SCYL1: variants seen among roughly 807,000 people sequenced by gnomAD.
SCYL1 encodes the protein N-terminal kinase-like protein.
Under a neutral mutation model 94.8 loss-of-function variants are expected in SCYL1, and 85 were observed. That is an observed-to-expected ratio of 0.90 (90% confidence interval 0.75 to 1.07). The LOEUF (loss-of-function observed/expected upper bound fraction) is 1.07, where lower values mean the gene tolerates loss of function less well. Among genes scored for constraint, SCYL1 ranks in the 50% least tolerant of loss-of-function variants. The pLI is 0.00. For synonymous variants in SCYL1, 459 were observed against 435.5 expected (o/e 1.05, Z -0.67); for missense variants, 968 against 1,083.3 (o/e 0.89, Z 1.49).
chr11:65,538,599 G>A lies in SCYL1; in HGVS notation c.*33G>A, dbSNP rs767834389. ...CGGTGGCCCTTCCCGGCTGCGGAGA[G>A]CCCGCCCCACAGATGTATTTATTGT... is the stretch of plus-strand genomic sequence containing the variant. On this transcript the variant is annotated 3_prime_UTR_variant, in exon 18 of 18. Transcript: ENST00000270176. 3 of 1,599,288 alleles carry A rather than the reference G, an allele frequency of 1.9e-6. No homozygotes were observed. In the South Asian group the frequency reaches 3.3e-5, roughly 18 times the overall value.
chr11:65,535,074 T>C (rs1855568193), intron 9 of SCYL1, 153 bp from the exon 10 acceptor site: 1 of 917,816 alleles, frequency 1.1e-6, no homozygotes, highest in Non-Finnish European at 1.6e-6. Context: ...GGTCCCTTTC[T>C]TCAACATGCT....
chr11:65,536,956 C>T, intron 13 of SCYL1, 30 bp from the exon 14 acceptor site: 1 of 1,594,486 alleles, frequency 6.3e-7, no homozygotes, highest in Non-Finnish European at 8.6e-7. Context: ...CAAGACCCCC[C>T]TGAAAGCTCA....
Position 65,525,236 on chromosome 11 carries a change from C to T in SCYL1, c.83C>T (p.Pro28Leu), listed in dbSNP as rs747601793. ...CCCCCAGAGGGCGGCCTGCCCGGGC[C>T]CTGGGCCCTGCACCGCGGCCGCAAG... ...PEPPEGGLPG[P>L]WALHRGRKKA... Residue 28 changes from proline (P) to leucine (L), a missense_variant, in exon 1 of 18, where the codon CCC (proline) becomes CTC (leucine). Physicochemically the swap from Pro to Leu is moderately conservative, Grantham distance 98. Around this residue, in one of 2 missense-constraint regions of SCYL1, gnomAD observed 494 missense variants for 619.7 expected, o/e 0.80. Transcript: ENST00000270176. 16 of 1,458,554 alleles carry T rather than the reference C, an allele frequency of 1.1e-5. No individual in the cohort carries two copies. The African/African-American group carries it at 1.9e-4, about 18-fold the overall frequency. 90.4% of individuals were successfully genotyped at this position (1,458,554 alleles called of 1,614,324 possible).
chr11:65,528,213 C>T (rs889445248), intron 6 of SCYL1, among the ~76,000 whole-genome samples: 14 of 152,034 alleles, frequency 9.2e-5, no homozygotes, highest in Non-Finnish European at 1.8e-4. Context: ...GAGGCTGAGG[C>T]GGGTGGATCA....
Position 65,526,442 on chromosome 11 carries a change from C to T in SCYL1, c.602+92C>T. ...CTAGACTAGTTGGCACTCCCCTGTT[C>T]CCTGCTGCCTGGCTGGGGAGGGAAT... On this transcript the variant is annotated intron_variant, in intron 4 of 17. Transcript: ENST00000270176. This position sits in a 1 kb window ranked among gnomAD's most constrained non-coding sequence, Gnocchi z 4.1. 5 of 1,029,046 alleles carry T rather than the reference C, an allele frequency of 4.9e-6. No individual in the cohort carries two copies. The South Asian group carries it at 8.1e-5, about 17-fold the overall frequency. 63.7% of individuals were successfully genotyped at this position (1,029,046 alleles called of 1,614,324 possible).
In SCYL1 at chr11:65,530,764, G is replaced by A. The variant is rs201604417; in HGVS notation, c.985G>A (p.Val329Ile). The A allele has an allele frequency of 9.4e-5, 152 of 1,612,902 alleles. No homozygotes were observed. Among genetic ancestry groups the A allele is most frequent in the Non-Finnish European group, 1.1e-4 (124 of 1,179,646 alleles). ...CTTCGAGTTCGGCAATGCTGGGGCCGTTGTCCTCACGCCCCTCTTCAAGGT... is the reference window on the plus strand; with the variant it reads ...CTTCGAGTTCGGCAATGCTGGGGCCATTGTCCTCACGCCCCTCTTCAAGGT... ...TAFEFGNAGAVVLTPLFKVGK... is the reference protein window; with the variant it reads ...TAFEFGNAGAIVLTPLFKVGK... Residue 329 changes from valine to isoleucine, a missense_variant, in exon 7 of 18, where the codon GTT (valine) becomes ATT (isoleucine). This residue lies in a region of SCYL1 where 494 missense variants were observed against 619.7 expected (regional missense o/e 0.80). Coordinates refer to ENST00000270176, the MANE Select transcript of SCYL1 (RefSeq NM_020680.4).
intron 12 of SCYL1, 83 bp from the exon 13 acceptor site, chr11:65,536,503 A>G: frequency 6.6e-7 from 1 of 1,511,644 alleles, no homozygotes; most frequent in Non-Finnish European, 9.1e-7. Context: ...GGGTGGCTGC[A>G]GGGCACTGTC....
intron 7 of SCYL1, 118 bp from the exon 8 acceptor site, chr11:65,531,458 C>G (rs1023683320): frequency 2.7e-6 from 2 of 729,756 alleles, no homozygotes; most frequent in South Asian, 1.6e-5. Flanking sequence ...AAATGCCTGC[C>G]CCCCCCTCCG....
Position 65,526,510 on chromosome 11 carries a change from C to G in SCYL1, c.602+160C>G, listed in dbSNP as rs963952535. Among the ~76,000 whole-genome samples, 3 of 152,192 alleles carry G rather than the reference C, an allele frequency of 2.0e-5. No individual in the cohort carries two copies. Among genetic ancestry groups the G allele is most frequent in the Non-Finnish European group, 4.4e-5 (3 of 68,026 alleles). On this transcript the variant is annotated intron_variant, in intron 4 of 17. Transcript: ENST00000270176. The surrounding 1 kb of genome is among the most constrained non-coding windows in gnomAD (Gnocchi z 4.1). ...GGGACACTCCTCTGCCCCCAGGGTC[C>G]TCAGGGCGGTAGGGCGGGATGGACA...
At position 65,532,381 on chromosome 11, in the gene SCYL1, C is replaced by T. The variant is rs111890867; in HGVS notation, c.1117-311C>T. ...CAGAGGTTTCAGTGAGCTGAGATTG[C>T]GCCACTGCACTCCAGCCTCGGTGAC... On this transcript the variant is annotated intron_variant, in intron 8 of 17. Coordinates refer to ENST00000270176, the MANE Select transcript of SCYL1 (RefSeq NM_020680.4). Among the ~76,000 whole-genome samples the T allele has an allele frequency of 3.0e-4, 44 of 148,016 alleles. 2 individuals carry two copies. Among genetic ancestry groups the T allele is most frequent in the African/African-American group, 1.0e-3 (41 of 39,878 alleles).
At position 65,536,630 on chromosome 11, in the gene SCYL1, G is replaced by A. The variant is rs752438867; in HGVS notation, c.1696G>A (p.Ala566Thr). 12 of 1,613,960 alleles carry A rather than the reference G, an allele frequency of 7.4e-6. No homozygotes were observed. Among genetic ancestry groups the A allele is most frequent in the Middle Eastern group, 1.6e-4 (1 of 6,080 alleles). Residue 566 changes from alanine (A) to threonine (T), a missense_variant, in exon 13 of 18, where the codon GCA becomes ACA. By Grantham distance (58) the Ala-to-Thr change is moderately conservative. Around this residue, in one of 2 missense-constraint regions of SCYL1, gnomAD observed 474 missense variants for 463.6 expected, o/e 1.02. Coordinates refer to ENST00000270176, the MANE Select transcript of SCYL1 (RefSeq NM_020680.4). Reference protein sequence around the residue: ...AASSPGMGGAAASWAGWAVTG... With the variant: ...AASSPGMGGATASWAGWAVTG... ...CTCCAGCCCTGGCATGGGAGGAGCC[G>A]CAGCTAGCTGGGCAGGCTGGGCCGT... is the stretch of plus-strand genomic sequence containing the variant.
intron 14 of SCYL1, 112 bp from the exon 15 acceptor site, chr11:65,537,697 T>C: frequency 1.1e-6 from 1 of 894,976 alleles, no homozygotes; most frequent in South Asian, 1.7e-5. Flanking sequence ...GAGGAGCAAA[T>C]GAGGAGGAAG....
In SCYL1 at chr11:65,526,767, T is replaced by G; in HGVS notation, c.603-16T>G. ...GTGGTTGGTGGGGCCCTAAGAGCTC[T>G]GGGTCACTGCCACAGGTCAGCAGAC... On this transcript the variant is annotated splice_polypyrimidine_tract_variant and intron_variant, in intron 4 of 17. Coordinates refer to ENST00000270176, the MANE Select transcript of SCYL1 (RefSeq NM_020680.4). The surrounding 1 kb of genome is among the most constrained non-coding windows in gnomAD (Gnocchi z 4.1). The G allele has an allele frequency of 6.2e-7, 1 of 1,609,068 alleles. No homozygotes were observed. Among genetic ancestry groups the G allele is most frequent in the South Asian group, 1.1e-5 (1 of 90,880 alleles).
Position 65,526,757 on chromosome 11 carries a change from C to T in SCYL1, c.603-26C>T, listed in dbSNP as rs1270671130. 1 of 1,603,460 alleles carries T rather than the reference C, an allele frequency of 6.2e-7. No homozygotes were observed. The highest frequency in any genetic ancestry group is 8.5e-7 in the Non-Finnish European group (1 of 1,174,344). On this transcript the variant is annotated intron_variant, in intron 4 of 17. Transcript: ENST00000270176. This position sits in a 1 kb window ranked among gnomAD's most constrained non-coding sequence, Gnocchi z 4.1. Reference sequence around the variant, plus strand: ...GCCTGTGCAGGTGGTTGGTGGGGCCCTAAGAGCTCTGGGTCACTGCCACAG... The same window carrying T: ...GCCTGTGCAGGTGGTTGGTGGGGCCTTAAGAGCTCTGGGTCACTGCCACAG...
intron 7 of SCYL1, 64 bp from the exon 8 acceptor site, chr11:65,531,512 A>C: frequency 8.0e-7 from 1 of 1,255,668 alleles, no homozygotes; most frequent in Admixed American, 1.7e-5. Context: ...CCAGGAATTT[A>C]GATAAGCCCA....
At position 65,526,734 on chromosome 11, in the gene SCYL1, C is replaced by G; in HGVS notation, c.603-49C>G. 1 of 1,569,302 alleles carries G rather than the reference C, an allele frequency of 6.4e-7. No individual in the cohort carries two copies. Among genetic ancestry groups the G allele is most frequent in the South Asian group, 1.1e-5 (1 of 89,014 alleles). On this transcript the variant is annotated intron_variant, in intron 4 of 17. Coordinates refer to ENST00000270176, the MANE Select transcript of SCYL1 (RefSeq NM_020680.4). The surrounding 1 kb of genome is among the most constrained non-coding windows in gnomAD (Gnocchi z 4.1). ...CTGGTGCCCAAGGCAGGCTGGAGGC[C>G]TGTGCAGGTGGTTGGTGGGGCCCTA...
At position 65,538,674 on chromosome 11, in the gene SCYL1, T is replaced by C. The variant is rs529032105; in HGVS notation, c.*108T>C. On this transcript the variant is annotated 3_prime_UTR_variant, in exon 18 of 18. Coordinates refer to ENST00000270176, the MANE Select transcript of SCYL1 (RefSeq NM_020680.4). ...CCAGCCAGGCCATCTCACGTGTACA[T>C]AATCAGAGCCACAATAAATTCTATT... The C allele has an allele frequency of 1.7e-5, 22 of 1,299,026 alleles. No homozygotes were observed. In the African/African-American group the frequency reaches 2.5e-4, roughly 15 times the overall value. The allele number at this position is 1,299,026 out of a possible 1,614,324, so 80.5% of individuals were successfully genotyped here. A position where few individuals can be genotyped will look rare whatever the true frequency, so the allele number is the denominator to read the frequency against.
intron 9 of SCYL1, chr11:65,533,113 C>A (rs1166355100): frequency 2.9e-6 from 1 of 342,484 alleles, no homozygotes; most frequent in Non-Finnish European, 5.6e-6. Flanking sequence ...CCAGACAATA[C>A]AACAGAATTA....
rs1007545302 is a variant in SCYL1, at chr11:65,526,488, A to G, written c.602+138A>G. ...GGAATCAGTGTCCCAGGAGTGAGGG[A>G]CACTCCTCTGCCCCCAGGGTCCTCA... is the stretch of plus-strand genomic sequence containing the variant. On this transcript the variant is annotated intron_variant, in intron 4 of 17. Coordinates refer to ENST00000270176, the MANE Select transcript of SCYL1 (RefSeq NM_020680.4). This position sits in a 1 kb window ranked among gnomAD's most constrained non-coding sequence, Gnocchi z 4.1. 1.2e-5 allele frequency: 9 copies of G among 758,788 alleles called. No individual in the cohort carries two copies. The African/African-American group carries it at 1.6e-4, about 13-fold the overall frequency. 47.0% of individuals were successfully genotyped at this position (758,788 alleles called of 1,614,324 possible). A position where few individuals can be genotyped will look rare whatever the true frequency, so the allele number is the denominator to read the frequency against.
Sources: gnomAD v4.1 joint callset for allele counts (sites outside exome capture counted in the v4.1 genomes callset) on GRCh38, gnomAD v4.1.1 for gene constraint, gnomAD v4.1.1 regional missense constraint, Gnocchi (gnomAD v3.1) non-coding constraint, MANE v1.5 for transcripts, NCBI Gene and HGNC (gene_info 2026-07-23, HGNC 2026-07-21) for gene names.